The following CAPN2 variants were observed in gnomAD, a reference collection of about 807,000 sequenced individuals.
CAPN2 encodes calpain 2.
CAPN2 carries 92 observed loss-of-function variants against 102.3 expected under a neutral mutation model. The ratio of observed to expected loss-of-function variants is 0.90; its 90% CI spans 0.76 to 1.07. The LOEUF is 1.07. Ranked by LOEUF, CAPN2 falls within the 50% of genes least tolerant of loss-of-function variation. The pLI is 0.00. For missense variants in CAPN2, 800 were observed against 909.4 expected (o/e 0.88, Z 1.55); for synonymous variants, 340 against 355.4 (o/e 0.96, Z 0.49).
chr1:223,702,317 C>T (rs1162648603), intron 1 of CAPN2, among the ~76,000 whole-genome samples: 1 of 151,890 alleles, frequency 6.6e-6, no homozygotes, highest in East Asian at 1.9e-4. Context: ...ATCCCAGCTA[C>T]TAGGGAGGCT....
At chr1:223,710,362 C>A (rs1220130319), upstream of CAPN2, among the ~76,000 whole-genome samples, 1 of 152,132 alleles carries the variant, frequency 6.6e-6, no homozygotes, top group Non-Finnish European at 1.5e-5. Context: ...ATGCTCTAAA[C>A]CAGGGTTTCT....
Position 223,769,832 on chromosome 1 carries a change from T to G in CAPN2, c.1756-9T>G. ...CCCACACTCAAGGGCTTTCCTTGAC[T>G]GAAGGCAGTCGGACGGGAGTGGCAA... On this transcript the variant is annotated splice_polypyrimidine_tract_variant and intron_variant, in intron 16 of 20. Coordinates refer to ENST00000295006, the MANE Select transcript of CAPN2 (RefSeq NM_001748.5). The G allele has an allele frequency of 1.9e-6, 3 of 1,605,678 alleles. No individual in the cohort carries two copies. Among genetic ancestry groups the G allele is most frequent in the Non-Finnish European group, 2.6e-6 (3 of 1,175,668 alleles).
chr1:223,734,057 G>C (rs1419395395), intron 2 of CAPN2, among the ~76,000 whole-genome samples: 1 of 152,166 alleles, frequency 6.6e-6, no homozygotes, highest in East Asian at 1.9e-4. Flanking sequence ...CTTCTGTTAT[G>C]TGAGGAGAAA....
Position 223,755,721 on chromosome 1 carries a change from C to A in CAPN2, c.1305+72C>A. ...TCAGCCCCTGCATGGAAAGCTGACC[C>A]CAGAGGCAGAACTGGGGATGGGATC... On this transcript the variant is annotated intron_variant, in intron 10 of 20. Coordinates refer to ENST00000295006, the MANE Select transcript of CAPN2 (RefSeq NM_001748.5). The surrounding 1 kb of genome is among the most constrained non-coding windows in gnomAD (Gnocchi z 4.1). 1 of 1,404,804 alleles carries A rather than the reference C, an allele frequency of 7.1e-7. No individual in the cohort carries two copies. Among genetic ancestry groups the A allele is most frequent in the East Asian group, 2.5e-5 (1 of 39,968 alleles). The allele number at this position is 1,404,804 out of a possible 1,614,324, so 87.0% of individuals were successfully genotyped here.
At chr1:223,767,172 CTTTA>C (rs149877521) in intron 16 of CAPN2, among the ~76,000 whole-genome samples, 21,519 of 150,540 alleles carry the variant, frequency 0.14, 2,068 homozygotes, top group African/African-American at 0.26. Flanking sequence ...TCGTCGTCTT[CTTTA>C]TTTATTTATT....
At chr1:223,766,245 T>C (rs143214189) in intron 15 of CAPN2, 122 bp from the exon 16 acceptor site, 299 of 712,236 alleles carry the variant, frequency 4.2e-4, no homozygotes, top group Admixed American at 2.1e-3. Context: ...GGCTATTTAA[T>C]ATAATGGAAG....
At chr1:223,757,309 G>A in intron 10 of CAPN2, 60 bp from the exon 11 acceptor site, 1 of 1,584,912 alleles carries the variant, frequency 6.3e-7, no homozygotes, top group Non-Finnish European at 8.7e-7. Flanking sequence ...GAAGAGCACA[G>A]TGATGCATTT....
intron 2 of CAPN2, among the ~76,000 whole-genome samples, chr1:223,719,026 G>T (rs1193173163): frequency 6.6e-6 from 1 of 152,086 alleles, no homozygotes; most frequent in Non-Finnish European, 1.5e-5. Context: ...AACATGAGCT[G>T]GGCGGGAAAG....
At chr1:223,719,208 T>C (rs1659962195) in intron 2 of CAPN2, among the ~76,000 whole-genome samples, 2 of 152,114 alleles carry the variant, frequency 1.3e-5, no homozygotes, top group Non-Finnish European at 2.9e-5. Context: ...GAAAATGGAA[T>C]TGATGGAAAC....
chr1:223,775,052 T>TATC lies in CAPN2; in HGVS notation c.*198_*200dup, dbSNP rs1661580352. 1.7e-6 allele frequency: 1 copy of TATC among 604,532 alleles called. No homozygotes were observed. Among genetic ancestry groups the TATC allele is most frequent in the Admixed American group, 3.0e-5 (1 of 32,834 alleles). 37.4% of individuals were successfully genotyped at this position (604,532 alleles called of 1,614,324 possible). On this transcript the variant is annotated 3_prime_UTR_variant, in exon 21 of 21. Transcript: ENST00000295006. ...CACACATCAAAGTAAAAGATTTGCA[T>TATC]ATCATTATACTAAATGCAAATGAGT...
At chr1:223,713,599 C>A (rs926602173) in intron 1 of CAPN2, among the ~76,000 whole-genome samples, 2 of 152,204 alleles carry the variant, frequency 1.3e-5, no homozygotes, top group Non-Finnish European at 2.9e-5. Context: ...CTTGTCCATT[C>A]TGTTTCTTGG....
At chr1:223,747,296 G>C in intron 5 of CAPN2, 131 bp downstream of exon 5, 2 of 826,228 alleles carry the variant, frequency 2.4e-6, no homozygotes, top group Non-Finnish European at 3.5e-6. Context: ...GGGGCCAAAG[G>C]AAAACCTCCC....
chr1:223,750,650 GC>G (rs2102801723), intron 6 of CAPN2, among the ~76,000 whole-genome samples: 1 of 152,358 alleles, frequency 6.6e-6, no homozygotes, highest in South Asian at 2.1e-4. Flanking sequence ...ATCCTCGAGA[GC>G]CGGATCCTGG....
intron 11 of CAPN2, 107 bp downstream of exon 11, chr1:223,757,487 A>G: frequency 7.9e-7 from 1 of 1,265,556 alleles, no homozygotes; most frequent in Admixed American, 1.7e-5. Context: ...GCTGGTGGTC[A>G]TGAAGGATGA....
intron 2 of CAPN2, among the ~76,000 whole-genome samples, chr1:223,740,879 G>A (rs1321137309): frequency 6.6e-6 from 1 of 152,182 alleles, no homozygotes; most frequent in Admixed American, 6.5e-5. Flanking sequence ...AGGTGAATTC[G>A]AAATTGACAC....
At chr1:223,705,922 C>T (rs72749512) in intron 1 of CAPN2, among the ~76,000 whole-genome samples, 8,582 of 150,512 alleles carry the variant, frequency 0.057, 304 homozygotes, top group Admixed American at 0.075. Context: ...TATTATTTCC[C>T]CATTTTAAGA....
intron 2 of CAPN2, among the ~76,000 whole-genome samples, chr1:223,741,886 C>T (rs897011649): frequency 6.6e-6 from 1 of 152,140 alleles, no homozygotes; most frequent in Non-Finnish European, 1.5e-5. Context: ...AAGCAGTTCT[C>T]CTGCCTCAGC....
chr1:223,755,658 C>T lies in CAPN2; in HGVS notation c.1305+9C>T, dbSNP rs1661016988. 4.5e-6 allele frequency: 7 copies of T among 1,558,928 alleles called. No homozygotes were observed. The highest frequency in any genetic ancestry group is 5.2e-6 in the Non-Finnish European group (6 of 1,152,668). ...GCTTTGGCATCTATGAGGTGCAGAG[C>T]GCAGGGGCTCCTGCCCTCCCTTCCC... On this transcript the variant is annotated intron_variant, in intron 10 of 20. Coordinates refer to ENST00000295006, the MANE Select transcript of CAPN2 (RefSeq NM_001748.5). This position sits in a 1 kb window ranked among gnomAD's most constrained non-coding sequence, Gnocchi z 4.1.
intron 2 of CAPN2, among the ~76,000 whole-genome samples, chr1:223,728,915 C>G (rs1257334835): frequency 6.6e-6 from 1 of 152,240 alleles, no homozygotes. Flanking sequence ...TACTGGGCAT[C>G]TGTTATAGGA....
Sources: allele counts gnomAD v4.1 joint callset (sites outside exome capture counted in the v4.1 genomes callset), GRCh38; gene constraint gnomAD v4.1.1; non-coding constraint Gnocchi (gnomAD v3.1); transcripts MANE v1.5; gene names NCBI Gene and HGNC (gene_info 2026-07-23, HGNC 2026-07-21).